Variants in GTF2IRD1 observed in about 807,000 individuals in gnomAD.
GTF2IRD1 encodes the protein general transcription factor II-I repeat domain-containing protein 1.
Under a neutral mutation model 113.2 loss-of-function variants are expected in GTF2IRD1, and 26 were observed. The ratio of observed to expected loss-of-function variants is 0.23; its 90% CI spans 0.17 to 0.32. The LOEUF is 0.32. GTF2IRD1 is among the 10% of genes least tolerant of loss of function. The pLI is 1.00. For missense variants in GTF2IRD1, 864 were observed against 1,280.8 expected (o/e 0.67, Z 4.97); for synonymous variants, 484 against 529.1 (o/e 0.91, Z 1.17).
chr7:74,593,953 A>C (rs1802237784), intron 24 of GTF2IRD1, among the ~76,000 whole-genome samples: 2 of 151,848 alleles, frequency 1.3e-5, no homozygotes, highest in Non-Finnish European at 2.9e-5. Flanking sequence ...TAATCCCAGC[A>C]CTTTGGGAGG....
Position 74,518,221 on chromosome 7 carries a change from G to T in GTF2IRD1, c.504G>T (p.Gly168=), listed in dbSNP as rs1352427700. The T allele has an allele frequency of 2.5e-6, 4 of 1,611,566 alleles. No homozygotes were observed. The highest frequency in any genetic ancestry group is 2.5e-6 in the Non-Finnish European group (3 of 1,179,282). Residue 168 remains glycine (G), a synonymous_variant, in exon 5 of 27, where the codon GGG becomes GGT. Coordinates refer to ENST00000424337, the MANE Select transcript of GTF2IRD1 (RefSeq NM_005685.4). The part of the protein sequence containing the change: ...LREPGLLAVQ[G]LPEGLAFRRP... Reference sequence around the variant, plus strand: ...AGCCAGGGCTGCTGGCCGTGCAGGGGCTGCCCGAAGGCCTGGCCTTCCGAA... The same window carrying T: ...AGCCAGGGCTGCTGGCCGTGCAGGGTCTGCCCGAAGGCCTGGCCTTCCGAA...
chr7:74,589,558 A>G (rs1801929823), intron 22 of GTF2IRD1, among the ~76,000 whole-genome samples: 1 of 152,008 alleles, frequency 6.6e-6, no homozygotes, highest in Non-Finnish European at 1.5e-5. Flanking sequence ...TTAGCTGGGC[A>G]TGGTGGCACG....
At position 74,558,928 on chromosome 7, in the gene GTF2IRD1, C is replaced by T. The variant is rs782035744; in HGVS notation, c.2175C>T (p.Ser725=). The change falls in exon 21 of 27, where the codon TCC becomes TCT. Residue 725 remains serine (S), a synonymous_variant. Coordinates refer to ENST00000424337, the MANE Select transcript of GTF2IRD1 (RefSeq NM_005685.4). Reference sequence around the variant, plus strand: ...AGCGGATCAAGAGTAACCCCGGCTCCGTGATCATCGAGGGGCTGCCCCCAG... The same window carrying T: ...AGCGGATCAAGAGTAACCCCGGCTCTGTGATCATCGAGGGGCTGCCCCCAG... ...PYKRIKSNPG[S]VIIEGLPPGI... The T allele has an allele frequency of 1.7e-5, 28 of 1,614,102 alleles. No homozygotes were observed. Among genetic ancestry groups the T allele is most frequent in the Admixed American group, 1.7e-4 (10 of 60,012 alleles).
intron 1 of GTF2IRD1, among the ~76,000 whole-genome samples, chr7:74,470,207 A>G (rs574949982): frequency 6.6e-6 from 1 of 151,958 alleles, no homozygotes; most frequent in South Asian, 2.1e-4. Flanking sequence ...CTGGTCTTGA[A>G]CCCCTGGACT....
At chr7:74,558,775 T>C in intron 20 of GTF2IRD1, 86 bp from the exon 21 acceptor site, 1 of 1,050,042 alleles carries the variant, frequency 9.5e-7, no homozygotes, top group Middle Eastern at 2.1e-4. Flanking sequence ...ACGCATGTCT[T>C]TCCATCACAT....
At chr7:74,484,049 A>G (rs1267965746) in intron 1 of GTF2IRD1, among the ~76,000 whole-genome samples, 2 of 152,174 alleles carry the variant, frequency 1.3e-5, no homozygotes, top group Non-Finnish European at 2.9e-5. Context: ...GGCAGCTTCC[A>G]CTGAGCAGCC....
intron 1 of GTF2IRD1, chr7:74,487,625 C>G (rs1554335806): frequency 6.6e-6 from 1 of 152,062 alleles, no homozygotes; most frequent in African/African-American, 2.4e-5. Context: ...TAAAAATATA[C>G]AAGAAAGCCT....
intron 1 of GTF2IRD1, among the ~76,000 whole-genome samples, chr7:74,477,248 C>T (rs984256619): frequency 6.6e-6 from 1 of 152,020 alleles, no homozygotes; most frequent in Admixed American, 6.6e-5. Context: ...CCTGTAATCC[C>T]CGCTACTCAA....
At chr7:74,503,822 G>A (rs782557654) in intron 1 of GTF2IRD1, among the ~76,000 whole-genome samples, 11 of 152,124 alleles carry the variant, frequency 7.2e-5, no homozygotes, top group Non-Finnish European at 1.6e-4. Context: ...TATATTGTAC[G>A]ATGCTGAGAT....
chr7:74,536,578 C>T (rs183815332), intron 11 of GTF2IRD1, among the ~76,000 whole-genome samples: 21 of 151,854 alleles, frequency 1.4e-4, no homozygotes, highest in Non-Finnish European at 2.7e-4. Context: ...GAGGCCGAGG[C>T]GGGCGGATCT....
chr7:74,590,869 C>T lies in GTF2IRD1; in HGVS notation c.2443C>T (p.Leu815=), dbSNP rs1554369308. The T allele has an allele frequency of 6.2e-7, 1 of 1,613,542 alleles. No individual in the cohort carries two copies. Among genetic ancestry groups the T allele is most frequent in the Non-Finnish European group, 8.5e-7 (1 of 1,179,688 alleles). The change falls in exon 24 of 27, where the codon CTA becomes TTA. Residue 815 remains leucine, a synonymous_variant. Coordinates refer to ENST00000424337, the MANE Select transcript of GTF2IRD1 (RefSeq NM_005685.4). ...LNRPVLVPYK[L]IRDSPDAVEV... ...CCGGCCGGTGCTGGTCCCTTATAAA[C>T]TAATCCGGGACAGCCCAGACGCCGT... is the stretch of plus-strand genomic sequence containing the variant.
chr7:74,583,695 C>T lies in GTF2IRD1; in HGVS notation c.2321-6156C>T, dbSNP rs587664581. Among the ~76,000 whole-genome samples the T allele has an allele frequency of 5.3e-5, 8 of 152,220 alleles. No individual in the cohort carries two copies. In the South Asian group the frequency reaches 6.2e-4, roughly 12 times the overall value. On this transcript the variant is annotated intron_variant, in intron 22 of 26. Transcript: ENST00000424337. ...TGCCATAGTATCCTATCGACTGCCC[C>T]GTAGTGTCACTCCTGGTTAGCTGCA...
intron 14 of GTF2IRD1, among the ~76,000 whole-genome samples, chr7:74,543,856 C>T (rs1798768059): frequency 9.1e-6 from 1 of 109,406 alleles, no homozygotes; most frequent in Admixed American, 1.3e-4. Context: ...GGGAGCATAG[C>T]AAGACCCCAT....
At chr7:74,583,855 G>T (rs1250655441) in intron 22 of GTF2IRD1, among the ~76,000 whole-genome samples, 1 of 152,018 alleles carries the variant, frequency 6.6e-6, no homozygotes, top group African/African-American at 2.4e-5. Context: ...CTTACTCACC[G>T]CTCACAACTG....
intron 1 of GTF2IRD1, among the ~76,000 whole-genome samples, chr7:74,473,913 C>T (rs1224520162): frequency 6.6e-6 from 1 of 152,026 alleles, no homozygotes; most frequent in East Asian, 1.9e-4. Context: ...TTGATGAAAC[C>T]CCGTCTGTAC....
At chr7:74,600,872 C>T (rs1802716802) in intron 25 of GTF2IRD1, 172 bp from the exon 26 acceptor site, 2 of 657,136 alleles carry the variant, frequency 3.0e-6, no homozygotes, top group African/African-American at 1.8e-5. Context: ...GGGAAGGAGG[C>T]TGGACATGTG....
At position 74,497,309 on chromosome 7, in the gene GTF2IRD1, G is replaced by A. The variant is rs79260906; in HGVS notation, c.-6-10766G>A. ...CAGCATTATTTGCAAGAGCGGAAAC[G>A]TGGAGTGCAGTTGCACAGTCACACC... On this transcript the variant is annotated intron_variant, in intron 1 of 26. Transcript: ENST00000424337. Among the ~76,000 whole-genome samples, 3,805 of 152,232 alleles carry A rather than the reference G, an allele frequency of 0.025. 401 individuals carry two copies. In the East Asian group the frequency reaches 0.35, roughly 14 times the overall value.
In GTF2IRD1 at chr7:74,547,161, C is replaced by T; in HGVS notation, c.1791C>T (p.His597=). The T allele has an allele frequency of 1.2e-6, 2 of 1,613,722 alleles. No individual in the cohort carries two copies. Among genetic ancestry groups the T allele is most frequent in the Non-Finnish European group, 1.7e-6 (2 of 1,179,836 alleles). ...VKVPYSKFLM[H]PEELFVVGLP... ...TGCCGTACTCCAAGTTTCTGATGCA[C>T]CCGGAGGAGCTGTTTGTGGTGGGAC... The change falls in exon 17 of 27, where the codon CAC becomes CAT. Residue 597 remains histidine, a synonymous_variant. Coordinates refer to ENST00000424337, the MANE Select transcript of GTF2IRD1 (RefSeq NM_005685.4).
intron 1 of GTF2IRD1, among the ~76,000 whole-genome samples, chr7:74,496,580 A>ATG (rs1195485544): frequency 1.1e-5 from 1 of 93,380 alleles, no homozygotes; most frequent in Non-Finnish European, 2.2e-5. Context: ...GTGGGTGTGC[A>ATG]TGTGTGTGGG....
Sources: gnomAD v4.1 joint callset for allele counts (sites outside exome capture counted in the v4.1 genomes callset) on GRCh38, gnomAD v4.1.1 for gene constraint, MANE v1.5 for transcripts, NCBI Gene and HGNC (gene_info 2026-07-23, HGNC 2026-07-21) for gene names.